The following IQGAP1 variants were observed in gnomAD, a reference collection of about 807,000 sequenced individuals.
The protein encoded by IQGAP1 is ras GTPase-activating-like protein IQGAP1.
A neutral mutation model predicts 215.6 loss-of-function variants in IQGAP1; 66 were observed. The observed-to-expected ratio is 0.31, with a 90% CI of 0.25 to 0.38. The LOEUF is 0.38. Among genes scored for constraint, IQGAP1 ranks in the 10% least tolerant of loss-of-function variants. IQGAP1 has a pLI of 1.00. For missense variants in IQGAP1, 1,712 were observed against 1,997.1 expected, an observed-to-expected ratio of 0.86 and a Z score of 2.72; for synonymous variants, 772 against 728.7, an observed-to-expected ratio of 1.06 and a Z score of -0.96.
intron 31 of IQGAP1, 70 bp downstream of exon 31, chr15:90,486,202 C>G: frequency 9.5e-7 from 1 of 1,055,484 alleles, no homozygotes; most frequent in Non-Finnish European, 1.4e-6. Context: ...TTGTCACCTC[C>G]TCTATTTTTT....
chr15:90,414,684 A>G lies in IQGAP1; in HGVS notation c.156-11426A>G, dbSNP rs1965019149. 3.3e-5 allele frequency among the ~76,000 whole-genome samples: 5 copies of G among 151,768 alleles called. No individual in the cohort carries two copies. In the South Asian group the frequency reaches 1.0e-3, roughly 32 times the overall value. ...TCTGAGGCACAGTGCTTCAGCTTTT[A>G]CATTTTTCTCCACAGCCTCTTTCTC... On this transcript the variant is annotated intron_variant, in intron 2 of 37. Transcript: ENST00000268182.
At position 90,486,101 on chromosome 15, in the gene IQGAP1, C is replaced by T. The variant is rs370762117; in HGVS notation, c.3993C>T (p.Leu1331=). 2.7e-5 allele frequency: 44 copies of T among 1,613,650 alleles called. No homozygotes were observed. The highest frequency in any genetic ancestry group is 1.2e-4 in the Admixed American group (7 of 59,978). The part of the protein sequence containing the change: ...NDPIHELLDD[L]GEVPTIESLI... Reference sequence around the variant, plus strand: ...CAATCCACGAACTGCTGGACGACCTCGGCGAGGTGCCCACCATCGAGTCCC... The same window carrying T: ...CAATCCACGAACTGCTGGACGACCTTGGCGAGGTGCCCACCATCGAGTCCC... Residue 1331 remains leucine (L), a synonymous_variant, in exon 31 of 38, where the codon CTC becomes CTT. Coordinates refer to ENST00000268182, the MANE Select transcript of IQGAP1 (RefSeq NM_003870.4).
chr15:90,407,570 T>G (rs1053666871), intron 2 of IQGAP1, among the ~76,000 whole-genome samples: 3 of 152,218 alleles, frequency 2.0e-5, no homozygotes, highest in African/African-American at 7.2e-5. Context: ...GTTGCAGATT[T>G]TCAGGTTTAG....
intron 2 of IQGAP1, among the ~76,000 whole-genome samples, chr15:90,414,939 G>A (rs533473100): frequency 1.2e-4 from 18 of 151,988 alleles, no homozygotes; most frequent in Non-Finnish European, 1.3e-4. Flanking sequence ...CATCCATGCC[G>A]CAAGTCACCA....
chr15:90,447,424 A>C (rs1213190515), intron 9 of IQGAP1, among the ~76,000 whole-genome samples: 1 of 151,616 alleles, frequency 6.6e-6, no homozygotes, highest in Non-Finnish European at 1.5e-5. Flanking sequence ...GGCTGTTTTG[A>C]TTTTCTTTAT....
intron 26 of IQGAP1, among the ~76,000 whole-genome samples, chr15:90,481,640 T>G (rs1184978816): frequency 6.6e-6 from 1 of 152,202 alleles, no homozygotes; most frequent in Admixed American, 6.5e-5. Context: ...GGTGAACTGA[T>G]TTACAGCACA....
At chr15:90,481,897 C>T (rs1966064322) in intron 26 of IQGAP1, 63 bp from the exon 27 acceptor site, 2 of 1,561,060 alleles carry the variant, frequency 1.3e-6, no homozygotes, top group South Asian at 1.1e-5. Context: ...AGATAAGACA[C>T]TTGCTTCAGG....
chr15:90,410,104 G>T (rs1964937524), intron 2 of IQGAP1, among the ~76,000 whole-genome samples: 2 of 152,210 alleles, frequency 1.3e-5, no homozygotes, highest in South Asian at 2.1e-4. Context: ...TAGGTTGCCT[G>T]TTCACTGTGA....
chr15:90,428,099 A>T (rs2256097), intron 3 of IQGAP1, among the ~76,000 whole-genome samples: 85,766 of 151,840 alleles, frequency 0.56, 25,850 homozygotes, highest in East Asian at 0.83. Flanking sequence ...TGAGACAGGG[A>T]CTTGCTGTGT....
At chr15:90,434,307 G>A (rs925504148) in intron 5 of IQGAP1, among the ~76,000 whole-genome samples, 12 of 151,810 alleles carry the variant, frequency 7.9e-5, no homozygotes, top group African/African-American at 2.4e-4. Flanking sequence ...GCATGGTGGC[G>A]GGTGCCTGTA....
intron 9 of IQGAP1, 53 bp from the exon 10 acceptor site, chr15:90,448,520 T>C: frequency 6.8e-7 from 1 of 1,478,150 alleles, no homozygotes; most frequent in South Asian, 1.4e-5. Context: ...AAAACTATTC[T>C]AGGCTCTTCT....
At position 90,466,261 on chromosome 15, in the gene IQGAP1, C is replaced by T. The variant is rs774460003; in HGVS notation, c.1868-8C>T. 16 of 1,613,618 alleles carry T rather than the reference C, an allele frequency of 9.9e-6. No individual in the cohort carries two copies. In the East Asian group the frequency reaches 2.2e-4, roughly 22 times the overall value. On this transcript the variant is annotated splice_region_variant and splice_polypyrimidine_tract_variant and intron_variant, in intron 16 of 37. Coordinates refer to ENST00000268182, the MANE Select transcript of IQGAP1 (RefSeq NM_003870.4). ...AACTATTCTGGTAACAGTTCTTTCCCGAAATAGTTGCCTTAGGAATCTTTG... is the reference window on the plus strand; with the variant it reads ...AACTATTCTGGTAACAGTTCTTTCCTGAAATAGTTGCCTTAGGAATCTTTG...
At chr15:90,493,956 G>T (rs1966239757) in intron 35 of IQGAP1, 1 of 152,212 alleles carries the variant, frequency 6.6e-6, no homozygotes, top group Admixed American at 6.5e-5. Context: ...CTAGAACTAG[G>T]TGTGTTCACT....
intron 15 of IQGAP1, among the ~76,000 whole-genome samples, chr15:90,465,156 A>G (rs1965813319): frequency 6.6e-6 from 1 of 152,186 alleles, no homozygotes; most frequent in African/African-American, 2.4e-5. Context: ...TTAACATTCA[A>G]GTTTTAGGAT....
intron 4 of IQGAP1, among the ~76,000 whole-genome samples, chr15:90,432,800 A>G (rs539389127): frequency 1.3e-5 from 2 of 152,048 alleles, no homozygotes; most frequent in Non-Finnish European, 2.9e-5. Flanking sequence ...TTCTCACCTC[A>G]TTATTCAGTC....
At chr15:90,453,348 T>A in intron 13 of IQGAP1, 56 bp downstream of exon 13, 13 of 1,366,108 alleles carry the variant, frequency 9.5e-6, no homozygotes, top group Non-Finnish European at 1.3e-5. Context: ...ACCCTGTCTT[T>A]TGTATGTCAG....
At position 90,485,983 on chromosome 15, in the gene IQGAP1, G is replaced by A. The variant is rs375365529; in HGVS notation, c.3922-47G>A. On this transcript the variant is annotated intron_variant, in intron 30 of 37. Coordinates refer to ENST00000268182, the MANE Select transcript of IQGAP1 (RefSeq NM_003870.4). ...TGTTAGACATTCTAGGGAGGGACGG[G>A]CTGAAGAGTTGAATGTATAAATGGA... 498 of 1,397,380 alleles carry A rather than the reference G, an allele frequency of 3.6e-4. 4 individuals carry two copies. The highest frequency in any genetic ancestry group is 3.6e-3 in the Middle Eastern group (20 of 5,614). The allele number at this position is 1,397,380 out of a possible 1,614,324, so 86.6% of individuals were successfully genotyped here.
chr15:90,453,046 T>C (rs372556267), intron 12 of IQGAP1, 86 bp from the exon 13 acceptor site: 1 of 1,553,532 alleles, frequency 6.4e-7, no homozygotes, highest in Non-Finnish European at 8.7e-7. Flanking sequence ...AACTTGGTTT[T>C]CTTACAGTTT....
intron 2 of IQGAP1, among the ~76,000 whole-genome samples, chr15:90,425,734 A>T (rs1965212232): frequency 6.6e-6 from 1 of 152,230 alleles, no homozygotes; most frequent in African/African-American, 2.4e-5. Context: ...AAAGCTTCTG[A>T]ACAGTTGAAA....
Sources: allele counts gnomAD v4.1 joint callset (sites outside exome capture counted in the v4.1 genomes callset), GRCh38; gene constraint gnomAD v4.1.1; transcripts MANE v1.5; gene names NCBI Gene and HGNC (gene_info 2026-07-23, HGNC 2026-07-21).